Variants in TYR observed in about 807,000 individuals in gnomAD.
The protein encoded by TYR is LB24-AB.
A neutral mutation model predicts 51.5 loss-of-function variants in TYR; 58 were observed. The ratio of observed to expected loss-of-function variants is 1.13; its 90% CI spans 0.91 to 1.40. The LOEUF is 1.40. TYR is among the 40% of genes most tolerant of loss of function. The probability of loss-of-function intolerance (pLI) is 0.00; values close to 1 mark genes in which losing one functional copy is unlikely to be tolerated. For missense variants in TYR, 732 were observed against 647.4 expected (o/e 1.13, Z -1.42); for synonymous variants, 263 against 235.2 (o/e 1.12, Z -1.08).
chr11:89,254,509 T>A (rs1432962882), intron 3 of TYR, among the ~76,000 whole-genome samples: 1 of 151,814 alleles, frequency 6.6e-6, no homozygotes, highest in African/African-American at 2.4e-5. Context: ...CTGCTTTTTA[T>A]TGGTCTGTTC....
chr11:89,180,475 C>A (rs2135244083), intron 1 of TYR, among the ~76,000 whole-genome samples: 1 of 151,974 alleles, frequency 6.6e-6, no homozygotes, highest in Admixed American at 6.6e-5. Flanking sequence ...TATTATTTTC[C>A]TAATTACTTA....
At chr11:89,215,179 A>C (rs2135272448) in intron 2 of TYR, among the ~76,000 whole-genome samples, 1 of 152,330 alleles carries the variant, frequency 6.6e-6, no homozygotes, top group South Asian at 2.1e-4. Flanking sequence ...TATATATTTT[A>C]TAAAGAATTA....
At chr11:89,228,502 T>A (rs1211847482) in intron 3 of TYR, among the ~76,000 whole-genome samples, 1 of 152,182 alleles carries the variant, frequency 6.6e-6, no homozygotes, top group Admixed American at 6.5e-5. Flanking sequence ...CACACAGAAC[T>A]GCTATAGGAA....
At chr11:89,228,988 A>AT (rs1213828432) in intron 3 of TYR, among the ~76,000 whole-genome samples, 1 of 151,886 alleles carries the variant, frequency 6.6e-6, no homozygotes, top group African/African-American at 2.4e-5. Context: ...AAGGGCACAG[A>AT]TTTATACCTG....
chr11:89,221,138 C>T (rs1943907059), intron 2 of TYR, among the ~76,000 whole-genome samples: 1 of 152,208 alleles, frequency 6.6e-6, no homozygotes, highest in East Asian at 1.9e-4. Context: ...TTAACACACA[C>T]GATGGGTCCC....
At chr11:89,217,805 G>A (rs1445452168) in intron 2 of TYR, among the ~76,000 whole-genome samples, 10 of 152,066 alleles carry the variant, frequency 6.6e-5, no homozygotes, top group Non-Finnish European at 1.5e-4. Flanking sequence ...ATTGCTTGCT[G>A]CCCTACTCTT....
intron 3 of TYR, among the ~76,000 whole-genome samples, chr11:89,239,555 C>G (rs997153498): frequency 6.6e-6 from 1 of 151,858 alleles, no homozygotes; most frequent in African/African-American, 2.4e-5. Flanking sequence ...TACTTCTTCT[C>G]TGATGTTTAT....
intron 3 of TYR, among the ~76,000 whole-genome samples, chr11:89,249,373 C>A (rs920572671): frequency 1.0e-4 from 15 of 150,042 alleles, no homozygotes; most frequent in Non-Finnish European, 2.1e-4. Context: ...AAAGGATGAG[C>A]CGATACAGAT....
chr11:89,272,394 CTT>C (rs35724269), intron 3 of TYR, among the ~76,000 whole-genome samples: 4 of 144,534 alleles, frequency 2.8e-5, no homozygotes, highest in Non-Finnish European at 3.1e-5. Context: ...TGAATGAAAT[CTT>C]TTTTTTTTTT....
chr11:89,194,838 C>T (rs1029256687), intron 2 of TYR, among the ~76,000 whole-genome samples: 2 of 152,168 alleles, frequency 1.3e-5, no homozygotes, highest in Non-Finnish European at 2.9e-5. Flanking sequence ...TTCATATACA[C>T]ATTTTTTAAA....
intron 2 of TYR, among the ~76,000 whole-genome samples, chr11:89,195,685 A>C (rs1943508927): frequency 6.6e-6 from 1 of 151,928 alleles, no homozygotes; most frequent in South Asian, 2.1e-4. Context: ...TAAATAAATA[A>C]ATAAATAAAA....
intron 4 of TYR, 138 bp downstream of exon 4, chr11:89,285,092 AT>A: frequency 2.7e-6 from 2 of 750,810 alleles, no homozygotes; most frequent in Non-Finnish European, 2.2e-6. Flanking sequence ...TCCTTAATTT[AT>A]TACCAGTTTA....
At chr11:89,267,383 G>A (rs1944538387) in intron 3 of TYR, among the ~76,000 whole-genome samples, 1 of 151,876 alleles carries the variant, frequency 6.6e-6, no homozygotes, top group South Asian at 2.1e-4. Context: ...AATGATTAAA[G>A]ATATAAAAAG....
chr11:89,238,101 C>T (rs11018545), intron 3 of TYR, among the ~76,000 whole-genome samples: 35,134 of 151,950 alleles, frequency 0.23, 4,321 homozygotes, highest in Non-Finnish European at 0.28. Context: ...CTTCAGATTG[C>T]TGGGATTACA....
At chr11:89,254,605 G>A (rs1454061951) in intron 3 of TYR, among the ~76,000 whole-genome samples, 2 of 151,608 alleles carry the variant, frequency 1.3e-5, no homozygotes, top group African/African-American at 4.8e-5. Flanking sequence ...TCTAATTTAT[G>A]TGCATAAAGA....
chr11:89,293,146 A>G (rs1298855101), intron 4 of TYR, among the ~76,000 whole-genome samples: 1 of 152,152 alleles, frequency 6.6e-6, no homozygotes, highest in East Asian at 1.9e-4. Flanking sequence ...AAATTGTCCA[A>G]CTAATTATAG....
chr11:89,185,402 A>G (rs1943357738), intron 1 of TYR, among the ~76,000 whole-genome samples: 1 of 152,168 alleles, frequency 6.6e-6, no homozygotes, highest in South Asian at 2.1e-4. Flanking sequence ...TACTTTTTGT[A>G]GGAGATTCTT....
At chr11:89,202,162 A>G (rs1943605680) in intron 2 of TYR, among the ~76,000 whole-genome samples, 2 of 152,138 alleles carry the variant, frequency 1.3e-5, no homozygotes, top group Admixed American at 1.3e-4. Context: ...AAACCTTATT[A>G]TCAATACAAA....
At chr11:89,192,167 A>G (rs779567900) in intron 2 of TYR, 2 of 191,408 alleles carry the variant, frequency 1.0e-5, no homozygotes, top group Non-Finnish European at 2.2e-5. Context: ...TTTATCCTAC[A>G]AATGTTTTCA....
Sources: allele counts gnomAD v4.1 joint callset (sites outside exome capture counted in the v4.1 genomes callset), GRCh38; gene constraint gnomAD v4.1.1; transcripts MANE v1.5; gene names NCBI Gene and HGNC (gene_info 2026-07-23, HGNC 2026-07-21).